Variants in ZNF850 observed in about 807,000 individuals in gnomAD.
ZNF850 encodes zinc finger protein 850.
ZNF850 carries 2 observed loss-of-function variants against 11.9 expected under a neutral mutation model. That is an observed-to-expected ratio of 0.17 (90% CI 0.07 to 0.53). The LOEUF (loss-of-function observed/expected upper bound fraction) is 0.53, where lower values mean the gene tolerates loss of function less well. Ranked by LOEUF, ZNF850 falls within the 20% of genes least tolerant of loss-of-function variation. The probability of loss-of-function intolerance (pLI) is 0.94; values close to 1 mark genes in which losing one functional copy is unlikely to be tolerated. For missense variants in ZNF850, 1,014 were observed against 1,316.4 expected (o/e 0.77, Z 3.55); for synonymous variants, 381 against 443.0 (o/e 0.86, Z 1.76).
chr19:36,751,452 G>A (rs1374228074), intron 4 of ZNF850, among the ~76,000 whole-genome samples: 1 of 152,044 alleles, frequency 6.6e-6, no homozygotes, highest in Non-Finnish European at 1.5e-5. Flanking sequence ...TATAATCCCA[G>A]CACTTTGGGA....
At position 36,748,485 on chromosome 19, in the gene ZNF850, G is replaced by A; in HGVS notation, c.2555C>T (p.Ser852Phe). The change falls in exon 5 of 5, where the codon TCT (serine) becomes TTT (phenylalanine). Residue 852 changes from serine to phenylalanine, a missense_variant. Around this residue, in one of 2 missense-constraint regions of ZNF850, gnomAD observed 835 missense variants for 1,022.0 expected, o/e 0.82. Coordinates refer to ENST00000591344, the MANE Select transcript of ZNF850 (RefSeq NM_001193552.2). Reference protein sequence around the residue: ...SCKECGKSFTSRSTLIEHQRI... With the variant: ...SCKECGKSFTFRSTLIEHQRI... ...CTGATGTTCAATTAGTGTTGAGCGA[G>A]AAGTAAAAGATTTCCCACATTCTTT... 6.5e-7 allele frequency: 1 copy of A among 1,541,084 alleles called. No homozygotes were observed. The highest frequency in any genetic ancestry group is 8.7e-7 in the Non-Finnish European group (1 of 1,148,232).
intron 1 of ZNF850, among the ~76,000 whole-genome samples, chr19:36,769,797 G>T (rs2040570803): frequency 6.6e-6 from 1 of 152,092 alleles, no homozygotes; most frequent in African/African-American, 2.4e-5. Context: ...CAGCAAGCAA[G>T]GAATCAGTTC....
intron 4 of ZNF850, among the ~76,000 whole-genome samples, chr19:36,757,744 G>A (rs1311858999): frequency 1.3e-5 from 2 of 151,932 alleles, no homozygotes; most frequent in Admixed American, 6.6e-5. Flanking sequence ...ATGTTGACCA[G>A]ACCACTCCTG....
intron 4 of ZNF850, among the ~76,000 whole-genome samples, chr19:36,756,127 A>G (rs2040485163): frequency 6.6e-6 from 1 of 151,894 alleles, no homozygotes; most frequent in South Asian, 2.1e-4. Context: ...GATAGTCTCA[A>G]TCTCCTGACC....
At position 36,750,408 on chromosome 19, in the gene ZNF850, T is replaced by A. The variant is rs754542375; in HGVS notation, c.632A>T (p.Tyr211Phe). The A allele has an allele frequency of 6.5e-7, 1 of 1,536,610 alleles. No homozygotes were observed. Among genetic ancestry groups the A allele is most frequent in the Non-Finnish European group, 8.7e-7 (1 of 1,146,948 alleles). The change falls in exon 5 of 5, where the codon TAT becomes TTT. Residue 211 changes from tyrosine to phenylalanine, a missense_variant. Tyr to Phe is a conservative substitution (Grantham distance 22). Coordinates refer to ENST00000591344, the MANE Select transcript of ZNF850 (RefSeq NM_001193552.2). ...ATGAATTCTCTGATGTTTAACAAGA[T>A]AGGAAAAGTGATGAAAGGCCTTCCC... The part of the protein sequence containing the change: ...ECGKAFHHFS[Y>F]LVKHQRIHTG...
Position 36,762,344 on chromosome 19 carries a change from C to T in ZNF850, c.100G>A (p.Asp34Asn). ...LDAAQKDLYR[D>N]VMMENYSSLV... The stretch of plus-strand genomic sequence containing the variant: ...CTGCTGTAGTTCTCCATCATTACAT[C>T]TCTGTATAAGTCCTTCTGAGCAGCG... The change falls in exon 3 of 5, where the codon GAT (aspartate) becomes AAT (asparagine). Residue 34 changes from aspartate (D) to asparagine (N), a missense_variant. Physicochemically the swap from Asp to Asn is conservative, Grantham distance 23 (BLOSUM62 1). This residue lies in a region of ZNF850 where 835 missense variants were observed against 1,022.0 expected (regional missense o/e 0.82). Transcript: ENST00000591344. 1 of 1,587,732 alleles carries T rather than the reference C, an allele frequency of 6.3e-7. No individual in the cohort carries two copies. The highest frequency in any genetic ancestry group is 8.5e-7 in the Non-Finnish European group (1 of 1,173,188).
intron 1 of ZNF850, among the ~76,000 whole-genome samples, chr19:36,764,248 ATAAAATAAAG>A (rs993241199): frequency 2.6e-5 from 4 of 152,150 alleles, no homozygotes; most frequent in South Asian, 2.1e-4. Context: ...GTCTCAAAAA[ATAAAATAAAG>A]TAAAATAAAA....
chr19:36,766,741 G>T (rs975083457), intron 1 of ZNF850, among the ~76,000 whole-genome samples: 1 of 152,094 alleles, frequency 6.6e-6, no homozygotes, highest in African/African-American at 2.4e-5. Flanking sequence ...TAATCTATTT[G>T]AATGTGGTCA....
chr19:36,758,545 C>A (rs1291620992), intron 4 of ZNF850, among the ~76,000 whole-genome samples: 1 of 151,970 alleles, frequency 6.6e-6, no homozygotes, highest in African/African-American at 2.4e-5. Context: ...CCACACCAGG[C>A]TAATTTTTTT....
intron 3 of ZNF850, among the ~76,000 whole-genome samples, chr19:36,762,024 C>T (rs957873400): frequency 1.4e-4 from 19 of 136,628 alleles, no homozygotes; most frequent in South Asian, 4.6e-4. Context: ...CCAGCCTGGG[C>T]GACAGAGTGA....
intron 4 of ZNF850, among the ~76,000 whole-genome samples, chr19:36,756,480 A>G (rs540741874): frequency 6.6e-5 from 10 of 152,274 alleles, no homozygotes; most frequent in Non-Finnish European, 1.5e-4. Context: ...GAATTGTCCT[A>G]TACATATTGA....
At chr19:36,754,105 G>GC (rs1445610872) in intron 4 of ZNF850, among the ~76,000 whole-genome samples, 1 of 150,114 alleles carries the variant, frequency 6.7e-6, no homozygotes, top group East Asian at 2.0e-4. Context: ...GGGGGTTGAG[G>GC]CTGTGGTGAG....
At chr19:36,753,422 C>CAAAAAAAAA (rs58851544) in intron 4 of ZNF850, among the ~76,000 whole-genome samples, 1,137 of 46,612 alleles carry the variant, frequency 0.024, 284 homozygotes, top group Non-Finnish European at 0.03. Context: ...GACACTGTCT[C>CAAAAAAAAA]AAAAAAAAAA....
intron 4 of ZNF850, among the ~76,000 whole-genome samples, chr19:36,761,206 G>A (rs1449099555): frequency 1.3e-5 from 2 of 151,976 alleles, no homozygotes; most frequent in South Asian, 2.1e-4. Context: ...TTCAGAGGCC[G>A]AGGCAGGTGG....
Position 36,762,687 on chromosome 19 carries a change from T to TA in ZNF850, c.-69-13dup. The TA allele has an allele frequency of 7.4e-7, 1 of 1,360,038 alleles. No individual in the cohort carries two copies. Among genetic ancestry groups the TA allele is most frequent in the Non-Finnish European group, 1.0e-6 (1 of 987,212 alleles). 84.2% of individuals were successfully genotyped at this position (1,360,038 alleles called of 1,614,324 possible). A position where few individuals can be genotyped will look rare whatever the true frequency, so the allele number is the denominator to read the frequency against. ...TTCCATGGTTAGAGCTGGGAATGAA[T>TA]AAAACACATTGATATATTATTTCCC... On this transcript the variant is annotated splice_polypyrimidine_tract_variant and intron_variant, in intron 1 of 4. Transcript: ENST00000591344.
Position 36,769,282 on chromosome 19 carries a change from AAGAAAG to A in ZNF850, c.-70+3437_-70+3442del, listed in dbSNP as rs1273301217. On this transcript the variant is annotated intron_variant, in intron 1 of 4. Transcript: ENST00000591344. The stretch of plus-strand genomic sequence containing the variant: ...GTCTCAAAAAAAAAAAAAAAAAAGA[AAGAAAG>A]AAAGAAAGAAAGAAAGAAAAAGAAA... 4.6e-3 allele frequency among the ~76,000 whole-genome samples: 210 copies of A among 45,394 alleles called. 12 individuals are homozygous for A. Among genetic ancestry groups the A allele is most frequent in the African/African-American group, 0.02 (186 of 9,302 alleles). 29.8% of individuals were successfully genotyped at this position (45,394 alleles called of 152,430 possible). A position where few individuals can be genotyped will look rare whatever the true frequency, so the allele number is the denominator to read the frequency against.
chr19:36,761,904 G>C (rs1300338984), intron 3 of ZNF850, among the ~76,000 whole-genome samples, 166 bp from the exon 4 acceptor site: 1 of 151,846 alleles, frequency 6.6e-6, no homozygotes, highest in Non-Finnish European at 1.5e-5. Context: ...AAATTGGCTG[G>C]GCATGGTGGT....
At chr19:36,754,587 A>G (rs767262869) in intron 4 of ZNF850, among the ~76,000 whole-genome samples, 8 of 151,846 alleles carry the variant, frequency 5.3e-5, no homozygotes, top group Non-Finnish European at 1.2e-4. Flanking sequence ...ATGGAGTCTC[A>G]CTCTGTCACC....
Position 36,750,542 on chromosome 19 carries a change from T to C in ZNF850, c.498A>G (p.Gly166=), listed in dbSNP as rs544801061. 301 of 1,536,172 alleles carry C rather than the reference T, an allele frequency of 2.0e-4. 3 individuals carry two copies. In the South Asian group the frequency reaches 2.5e-3, roughly 13 times the overall value. ...SLTLHHRIHP[G]EKLYKSTECM... The stretch of plus-strand genomic sequence containing the variant: ...ATTCTGTGGATTTATACAGTTTCTC[T>C]CCAGGATGAATCCGATGATGCAGAG... Residue 166 remains glycine (G), a synonymous_variant, in exon 5 of 5, where the codon GGA becomes GGG. Coordinates refer to ENST00000591344, the MANE Select transcript of ZNF850 (RefSeq NM_001193552.2).
Sources: allele counts gnomAD v4.1 joint callset (sites outside exome capture counted in the v4.1 genomes callset), GRCh38; gene constraint gnomAD v4.1.1; regional missense constraint gnomAD v4.1.1; transcripts MANE v1.5; gene names NCBI Gene and HGNC (gene_info 2026-07-23, HGNC 2026-07-21).